IL10RB: variants seen among roughly 807,000 people sequenced by gnomAD.
IL10RB encodes interleukin 10 receptor subunit beta, also known as interleukin-10 receptor subunit beta.
A neutral mutation model predicts 38.7 loss-of-function variants in IL10RB; 30 were observed. The observed-to-expected ratio is 0.78, with a 90% CI of 0.58 to 1.05. The LOEUF (loss-of-function observed/expected upper bound fraction) is 1.05. IL10RB is among the 50% of genes least tolerant of loss of function. The pLI is 0.00. For synonymous variants in IL10RB, 142 were observed against 145.9 expected (o/e 0.97, Z 0.19); for missense variants, 328 against 397.1 (o/e 0.83, Z 1.48).
chr21:33,290,150 G>T (rs1224434630), intron 6 of IL10RB, among the ~76,000 whole-genome samples: 1 of 151,126 alleles, frequency 6.6e-6, no homozygotes, highest in Non-Finnish European at 1.5e-5. Flanking sequence ...AATTAACCCG[G>T]CATGCTGGCG....
chr21:33,290,720 G>A (rs1040828843), intron 6 of IL10RB, among the ~76,000 whole-genome samples: 2 of 152,236 alleles, frequency 1.3e-5, no homozygotes, highest in African/African-American at 4.8e-5. Context: ...ACTTTCAACA[G>A]GCCGCTCCGT....
chr21:33,279,666 A>C lies in IL10RB; in HGVS notation c.332-86A>C, dbSNP rs1025039996. On this transcript the variant is annotated intron_variant, in intron 3 of 6. Coordinates refer to ENST00000290200, the MANE Select transcript of IL10RB (RefSeq NM_000628.5). Reference sequence around the variant, plus strand: ...TCAAAGCAGTGTACTTCCGTGGACTAATTGTTCTGCATGGTTATGAAAAAT... The same window carrying C: ...TCAAAGCAGTGTACTTCCGTGGACTCATTGTTCTGCATGGTTATGAAAAAT... The C allele has an allele frequency of 1.3e-4, 147 of 1,145,874 alleles. 1 individual carries two copies. Among genetic ancestry groups the C allele is most frequent in the Non-Finnish European group, 3.7e-5 (28 of 756,302 alleles). 71.0% of individuals were successfully genotyped at this position (1,145,874 alleles called of 1,614,324 possible).
downstream of IL10RB, among the ~76,000 whole-genome samples, chr21:33,299,719 G>C (rs569913846): frequency 2.6e-4 from 40 of 152,340 alleles, no homozygotes; most frequent in Non-Finnish European, 5.3e-4. Context: ...ATGAATTTCA[G>C]CTCTCTGCAG....
chr21:33,293,501 T>A (rs2123601669), intron 6 of IL10RB, among the ~76,000 whole-genome samples: 1 of 152,214 alleles, frequency 6.6e-6, no homozygotes, highest in Admixed American at 6.5e-5. Context: ...CATAGGCAAG[T>A]GTTTCAGAGC....
chr21:33,295,910 A>G (rs2082963884), intron 6 of IL10RB, among the ~76,000 whole-genome samples: 1 of 151,814 alleles, frequency 6.6e-6, no homozygotes, highest in Non-Finnish European at 1.5e-5. Flanking sequence ...CTGGCGTGGT[A>G]GCACATGCCT....
intron 1 of IL10RB, chr21:33,268,019 T>C: frequency 2.8e-6 from 1 of 353,700 alleles, no homozygotes; most frequent in Non-Finnish European, 5.4e-6. Flanking sequence ...ACCAGCTGCT[T>C]AAGCCCAAAA....
intron 3 of IL10RB, among the ~76,000 whole-genome samples, chr21:33,277,167 G>A (rs187954645): frequency 1.3e-5 from 2 of 152,124 alleles, no homozygotes; most frequent in Admixed American, 6.5e-5. Context: ...GCGGACAGCC[G>A]GCTTGCCCAG....
chr21:33,293,453 C>T (rs554254787), intron 6 of IL10RB, among the ~76,000 whole-genome samples: 1 of 152,310 alleles, frequency 6.6e-6, no homozygotes, highest in East Asian at 1.9e-4. Flanking sequence ...GGCAACATAG[C>T]ACTGCATCTA....
At chr21:33,285,970 T>C (rs1439426442) in intron 5 of IL10RB, among the ~76,000 whole-genome samples, 1 of 152,044 alleles carries the variant, frequency 6.6e-6, no homozygotes, top group Non-Finnish European at 1.5e-5. Context: ...GCTTCTGGGC[T>C]CCGGTGCATG....
chr21:33,271,777 G>T (rs2284552), intron 2 of IL10RB, among the ~76,000 whole-genome samples: 34,782 of 151,740 alleles, frequency 0.23, 4,417 homozygotes, highest in East Asian at 0.54. Flanking sequence ...AACAACTTTT[G>T]AAATACTGCA....
At chr21:33,308,901 T>C (rs1355735789) in intron 1 of IL10RB, 1 of 152,232 alleles carries the variant, frequency 6.6e-6, no homozygotes, top group Non-Finnish European at 1.5e-5. Flanking sequence ...ACCATTGCCT[T>C]TAAGGGTGCA....
intron 6 of IL10RB, among the ~76,000 whole-genome samples, chr21:33,295,638 C>T (rs2082962157): frequency 7.0e-6 from 1 of 143,574 alleles, no homozygotes; most frequent in Non-Finnish European, 1.5e-5. Context: ...TGCCACTGCA[C>T]TCCAGCCCAG....
intron 4 of IL10RB, among the ~76,000 whole-genome samples, chr21:33,282,459 C>T (rs1902575509): frequency 6.6e-6 from 1 of 152,188 alleles, no homozygotes; most frequent in Non-Finnish European, 1.5e-5. Context: ...TTGCTTGAGC[C>T]TGGCAACGGA....
chr21:33,290,333 T>C (rs1320539000), intron 6 of IL10RB, among the ~76,000 whole-genome samples: 6 of 152,094 alleles, frequency 3.9e-5, no homozygotes, highest in African/African-American at 1.4e-4. Flanking sequence ...TTTGAGGTTC[T>C]GTTGGCAAGA....
downstream of IL10RB, among the ~76,000 whole-genome samples, chr21:33,300,028 G>A (rs189767197): frequency 1.1e-3 from 175 of 152,220 alleles, 1 homozygote; most frequent in Admixed American, 1.6e-3. Flanking sequence ...CAGCCTTCTC[G>A]GCTGCTCACC....
At chr21:33,271,227 T>C (rs1989073424) in intron 2 of IL10RB, among the ~76,000 whole-genome samples, 1 of 151,736 alleles carries the variant, frequency 6.6e-6, no homozygotes, top group Admixed American at 6.6e-5. Context: ...TACAAAAGAG[T>C]TGTTTAGAGT....
At chr21:33,293,576 T>C (rs972146890) in intron 6 of IL10RB, among the ~76,000 whole-genome samples, 27 of 152,256 alleles carry the variant, frequency 1.8e-4, no homozygotes, top group African/African-American at 6.5e-4. Context: ...ATCCCAGCAC[T>C]TTGGGAAGCC....
chr21:33,269,527 G>A (rs947361177), intron 2 of IL10RB, among the ~76,000 whole-genome samples: 6 of 152,148 alleles, frequency 3.9e-5, no homozygotes, highest in Non-Finnish European at 7.3e-5. Context: ...GATAGTCCTC[G>A]TCTGTGCATT....
intron 4 of IL10RB, among the ~76,000 whole-genome samples, chr21:33,282,590 C>T (rs1412763408): frequency 2.0e-5 from 3 of 151,432 alleles, no homozygotes; most frequent in Non-Finnish European, 2.9e-5. Flanking sequence ...TTACTTTTTT[C>T]TTTATTTCTG....
Sources: gnomAD v4.1 joint callset for allele counts (sites outside exome capture counted in the v4.1 genomes callset) on GRCh38, gnomAD v4.1.1 for gene constraint, MANE v1.5 for transcripts, NCBI Gene and HGNC (gene_info 2026-07-23, HGNC 2026-07-21) for gene names.